The following SEMA6D variants were observed in gnomAD, a reference collection of about 807,000 sequenced individuals.
The protein encoded by SEMA6D is semaphorin 6D.
SEMA6D carries 35 observed loss-of-function variants against 106.6 expected under a neutral mutation model. The ratio of observed to expected loss-of-function variants is 0.33; its 90% CI spans 0.25 to 0.44. The LOEUF is 0.44. Among genes scored for constraint, SEMA6D ranks in the 20% least tolerant of loss-of-function variants. The probability of loss-of-function intolerance (pLI) is 1.00; values close to 1 mark genes in which losing one functional copy is unlikely to be tolerated. For synonymous variants in SEMA6D, 499 were observed against 487.7 expected, an observed-to-expected ratio of 1.02 and a Z score of -0.31; for missense variants, 1,185 against 1,345.9, an observed-to-expected ratio of 0.88 and a Z score of 1.87.
At chr15:47,628,471 A>G (rs1190677575) in intron 4 of SEMA6D, among the ~76,000 whole-genome samples, 1 of 152,054 alleles carries the variant, frequency 6.6e-6, no homozygotes, top group South Asian at 2.1e-4. Context: ...GTGTGAAATG[A>G]TAGCTCAGCG....
At chr15:47,592,530 T>C (rs1566917250) in intron 3 of SEMA6D, among the ~76,000 whole-genome samples, 1 of 152,206 alleles carries the variant, frequency 6.6e-6, no homozygotes, top group African/African-American at 2.4e-5. Context: ...GTGTGGCCAT[T>C]TTTGTCAATG....
intron 3 of SEMA6D, among the ~76,000 whole-genome samples, chr15:47,473,441 C>T (rs920685263): frequency 8.5e-5 from 13 of 152,266 alleles, no homozygotes; most frequent in African/African-American, 3.1e-4. Flanking sequence ...TCATCTACAT[C>T]ACCTGTCAAA....
At chr15:47,586,667 A>G (rs1249399520) in intron 3 of SEMA6D, among the ~76,000 whole-genome samples, 1 of 152,162 alleles carries the variant, frequency 6.6e-6, no homozygotes, top group African/African-American at 2.4e-5. Context: ...TTCTATGAGT[A>G]AAGCGCCCCC....
chr15:47,735,609 T>C (rs2080399205), intron 1 of SEMA6D, among the ~76,000 whole-genome samples: 1 of 152,232 alleles, frequency 6.6e-6, no homozygotes, highest in Admixed American at 6.5e-5. Context: ...ATCATCATTT[T>C]TAGATACATC....
chr15:47,584,029 T>G (rs1244943140), intron 3 of SEMA6D, among the ~76,000 whole-genome samples: 1 of 152,212 alleles, frequency 6.6e-6, no homozygotes, highest in Non-Finnish European at 1.5e-5. Flanking sequence ...CATTATCACC[T>G]GCCCTTGCCC....
chr15:47,487,865 A>G (rs2043343698), intron 3 of SEMA6D, among the ~76,000 whole-genome samples: 1 of 152,168 alleles, frequency 6.6e-6, no homozygotes, highest in Admixed American at 6.5e-5. Context: ...ATATTATAAA[A>G]TATATTACCT....
rs749694922 is a variant in SEMA6D, at chr15:47,772,025, G to A, written c.*240G>A. On this transcript the variant is annotated 3_prime_UTR_variant, in exon 19 of 19. Transcript: ENST00000536845. ...GGTCATTCCATTTCTTTTGTTTGAA[G>A]CTAAAGAGATGTGTAGCTCACAGGG... 47 of 513,628 alleles carry A rather than the reference G, an allele frequency of 9.2e-5. No homozygotes were observed. The highest frequency in any genetic ancestry group is 1.6e-4 in the Non-Finnish European group (45 of 289,174). 31.8% of individuals were successfully genotyped at this position (513,628 alleles called of 1,614,324 possible).
intron 1 of SEMA6D, among the ~76,000 whole-genome samples, chr15:47,218,848 G>C (rs2030924609): frequency 1.3e-5 from 2 of 152,310 alleles, no homozygotes; most frequent in South Asian, 4.1e-4. Flanking sequence ...AATAGGCTCA[G>C]GGAGGTTAAG....
chr15:47,674,638 T>C (rs1360910786), intron 4 of SEMA6D, among the ~76,000 whole-genome samples: 1 of 152,186 alleles, frequency 6.6e-6, no homozygotes, highest in African/African-American at 2.4e-5. Context: ...TCATTAGACC[T>C]TGCCTTTTAA....
At chr15:47,615,105 A>G in intron 4 of SEMA6D, among the ~76,000 whole-genome samples, 1 of 152,230 alleles carries the variant, frequency 6.6e-6, no homozygotes, top group Non-Finnish European at 1.5e-5. Flanking sequence ...AACCTAATAA[A>G]GTTGACCTTC....
intron 1 of SEMA6D, among the ~76,000 whole-genome samples, chr15:47,393,161 A>G (rs1413465984): frequency 1.3e-5 from 2 of 152,240 alleles, no homozygotes; most frequent in African/African-American, 4.8e-5. Flanking sequence ...TAGAACCTAC[A>G]TTATTCTAAC....
chr15:47,316,607 G>GTTT (rs35168989), intron 1 of SEMA6D, among the ~76,000 whole-genome samples: 33 of 140,588 alleles, frequency 2.3e-4, no homozygotes, highest in African/African-American at 6.1e-4. Context: ...TTATTGAGAG[G>GTTT]TTTTTTTTTT....
intron 1 of SEMA6D, among the ~76,000 whole-genome samples, chr15:47,343,161 A>G (rs1340669781): frequency 2.0e-5 from 3 of 152,050 alleles, no homozygotes; most frequent in African/African-American, 7.2e-5. Flanking sequence ...GATTTCACTG[A>G]AAAGTCTTCA....
chr15:47,483,412 A>G (rs1440429020), intron 3 of SEMA6D, among the ~76,000 whole-genome samples: 1 of 152,134 alleles, frequency 6.6e-6, no homozygotes. Flanking sequence ...CATTTGGCTC[A>G]TTGGAGTCTC....
intron 3 of SEMA6D, among the ~76,000 whole-genome samples, chr15:47,571,375 C>A (rs1020755898): frequency 6.6e-6 from 1 of 152,182 alleles, no homozygotes. Flanking sequence ...GCTGCCATGG[C>A]CATTGGCCTC....
chr15:47,552,527 C>T (rs759007274), intron 3 of SEMA6D, among the ~76,000 whole-genome samples: 2 of 19,660 alleles, frequency 1.0e-4, no homozygotes, highest in African/African-American at 2.6e-4. Flanking sequence ...TATATGTATA[C>T]ACACACACAC....
At chr15:47,650,610 CGT>C (rs2077668912) in intron 4 of SEMA6D, among the ~76,000 whole-genome samples, 1 of 152,138 alleles carries the variant, frequency 6.6e-6, no homozygotes, top group Admixed American at 6.5e-5. Flanking sequence ...TCAAATCTCA[CGT>C]TTATTAACTC....
At chr15:47,440,740 A>G (rs2041857707) in intron 2 of SEMA6D, among the ~76,000 whole-genome samples, 3 of 152,140 alleles carry the variant, frequency 2.0e-5, no homozygotes, top group Admixed American at 2.0e-4. Flanking sequence ...GTTGGTCAAT[A>G]AGAAATGCAG....
chr15:47,186,587 A>G (rs898972497), intron 1 of SEMA6D, among the ~76,000 whole-genome samples: 3 of 151,602 alleles, frequency 2.0e-5, no homozygotes, highest in Non-Finnish European at 2.9e-5. Context: ...TACATTTTCA[A>G]TGCCGTTCGT....
Sources: gnomAD v4.1 joint callset for allele counts (sites outside exome capture counted in the v4.1 genomes callset) on GRCh38, gnomAD v4.1.1 for gene constraint, MANE v1.5 for transcripts, NCBI Gene and HGNC (gene_info 2026-07-23, HGNC 2026-07-21) for gene names.